COX7B2: variants seen among roughly 807,000 people sequenced by gnomAD.
COX7B2 encodes cytochrome c oxidase subunit 7B2, mitochondrial.
For synonymous variants in COX7B2, 37 were observed against 32.1 expected (o/e 1.15, Z -0.51); for missense variants, 109 against 95.9 (o/e 1.14, Z -0.57).
At chr4:46,790,809 TCCTA>T (rs2109584233) in intron 2 of COX7B2, among the ~76,000 whole-genome samples, 1 of 152,200 alleles carries the variant, frequency 6.6e-6, no homozygotes, top group South Asian at 2.1e-4. Context: ...ACTATTAACC[TCCTA>T]ATTTTGATAA....
At chr4:46,841,881 C>A (rs1183238386) in intron 2 of COX7B2, among the ~76,000 whole-genome samples, 1 of 151,794 alleles carries the variant, frequency 6.6e-6, no homozygotes, top group African/African-American at 2.4e-5. Context: ...TAATTCTTAA[C>A]CCATAAAGAA....
chr4:46,880,993 T>TAAAAAATAAAAA, intron 1 of COX7B2, among the ~76,000 whole-genome samples: 1 of 102,830 alleles, frequency 9.7e-6, no homozygotes, highest in South Asian at 3.2e-4. Context: ...TAGAGTATAA[T>TAAAAAATAAAAA]AAAAAAAAAA....
intron 1 of COX7B2, among the ~76,000 whole-genome samples, chr4:46,878,093 T>C (rs534299221): frequency 3.3e-5 from 5 of 152,118 alleles, no homozygotes; most frequent in African/African-American, 1.2e-4. Flanking sequence ...CCATTTTCTA[T>C]GACATGAACG....
chr4:46,878,633 G>A (rs1718503413), intron 1 of COX7B2, among the ~76,000 whole-genome samples: 2 of 152,058 alleles, frequency 1.3e-5, no homozygotes. Context: ...AGAGTCCAGG[G>A]AAAATATGTT....
chr4:46,847,107 A>T (rs1716334407), intron 1 of COX7B2, among the ~76,000 whole-genome samples: 2 of 152,046 alleles, frequency 1.3e-5, no homozygotes, highest in South Asian at 4.1e-4. Flanking sequence ...GTGCAGATAG[A>T]GGGGAGAGGA....
intron 1 of COX7B2, among the ~76,000 whole-genome samples, chr4:46,861,750 C>T (rs994095241): frequency 8.5e-5 from 13 of 152,188 alleles, no homozygotes; most frequent in Non-Finnish European, 1.5e-4. Context: ...GTTTCTGGCT[C>T]ATGTTACTTC....
chr4:46,875,236 A>C (rs1318997195), intron 1 of COX7B2, among the ~76,000 whole-genome samples: 1 of 152,238 alleles, frequency 6.6e-6, no homozygotes, highest in Non-Finnish European at 1.5e-5. Context: ...TTACTAAACA[A>C]GGAAATTAAA....
chr4:46,870,140 T>G (rs1466896370), intron 1 of COX7B2, among the ~76,000 whole-genome samples: 2 of 152,134 alleles, frequency 1.3e-5, no homozygotes, highest in African/African-American at 4.8e-5. Context: ...TGAGATTCTT[T>G]CCTCAGCTTG....
At chr4:46,758,456 T>C (rs1577670485) in intron 2 of COX7B2, among the ~76,000 whole-genome samples, 2 of 152,292 alleles carry the variant, frequency 1.3e-5, no homozygotes, top group African/African-American at 4.8e-5. Context: ...ACAGTCTCTG[T>C]GTGCTTTTTA....
intron 1 of COX7B2, among the ~76,000 whole-genome samples, chr4:46,880,929 C>T (rs1718680934): frequency 7.1e-6 from 1 of 140,350 alleles, no homozygotes; most frequent in African/African-American, 2.6e-5. Flanking sequence ...ACCAGCATGG[C>T]ACATGTATAC....
At chr4:46,863,164 G>A (rs1717437783) in intron 1 of COX7B2, among the ~76,000 whole-genome samples, 1 of 152,024 alleles carries the variant, frequency 6.6e-6, no homozygotes, top group Non-Finnish European at 1.5e-5. Flanking sequence ...ACTTGAAAAG[G>A]TTATTTATGA....
At chr4:46,783,117 A>G (rs1399538572) in intron 2 of COX7B2, among the ~76,000 whole-genome samples, 1 of 152,254 alleles carries the variant, frequency 6.6e-6, no homozygotes, top group East Asian at 1.9e-4. Flanking sequence ...ACAAACAAGT[A>G]TTAGTCCCTT....
At chr4:46,782,156 T>C (rs1717497465) in intron 2 of COX7B2, among the ~76,000 whole-genome samples, 1 of 152,142 alleles carries the variant, frequency 6.6e-6, no homozygotes, top group Non-Finnish European at 1.5e-5. Context: ...CTTTTATGTC[T>C]AGCTGGAGGA....
At chr4:46,791,312 G>T (rs1560383084) in intron 2 of COX7B2, among the ~76,000 whole-genome samples, 1 of 152,048 alleles carries the variant, frequency 6.6e-6, no homozygotes. Flanking sequence ...CCCAGCAACA[G>T]TAACCCACAT....
intron 2 of COX7B2, among the ~76,000 whole-genome samples, chr4:46,769,434 T>C (rs1716741846): frequency 6.6e-6 from 1 of 152,160 alleles, no homozygotes; most frequent in Non-Finnish European, 1.5e-5. Flanking sequence ...TATATCACAT[T>C]AAGAGTGGTG....
chr4:46,747,780 T>G (rs28491139), intron 2 of COX7B2, among the ~76,000 whole-genome samples: 1 of 152,126 alleles, frequency 6.6e-6, no homozygotes, highest in African/African-American at 2.4e-5. Flanking sequence ...AAGCATCACA[T>G]TGGAATAAAG....
intron 1 of COX7B2, among the ~76,000 whole-genome samples, chr4:46,873,605 C>T (rs571163379): frequency 1.3e-5 from 2 of 152,190 alleles, no homozygotes; most frequent in African/African-American, 4.8e-5. Context: ...CTGTTGGATG[C>T]ATTAATTTAA....
chr4:46,891,154 G>A (rs544240037), intron 1 of COX7B2, among the ~76,000 whole-genome samples: 3 of 152,136 alleles, frequency 2.0e-5, no homozygotes, highest in Non-Finnish European at 2.9e-5. Flanking sequence ...GTAACTAGAC[G>A]TTACTGTTTA....
chr4:46,838,071 A>G (rs1391539829), intron 2 of COX7B2, among the ~76,000 whole-genome samples: 5 of 152,060 alleles, frequency 3.3e-5, no homozygotes, highest in Admixed American at 6.6e-5. Context: ...TCATAGATCA[A>G]AGCAGTCTGC....
Sources: allele counts gnomAD v4.1 joint callset (sites outside exome capture counted in the v4.1 genomes callset), GRCh38; gene constraint gnomAD v4.1.1; transcripts MANE v1.5; gene names NCBI Gene and HGNC (gene_info 2026-07-23, HGNC 2026-07-21).